The following CFAP54 variants were observed in gnomAD, a reference collection of about 807,000 sequenced individuals.
The protein encoded by CFAP54 is cilia and flagella associated protein 54.
A neutral mutation model predicts 370.4 loss-of-function variants in CFAP54; 290 were observed. The ratio of observed to expected loss-of-function variants is 0.78; its 90% CI spans 0.71 to 0.86. CFAP54 has a LOEUF of 0.86. Ranked by LOEUF, CFAP54 falls within the 40% of genes least tolerant of loss-of-function variation. The probability of loss-of-function intolerance (pLI) is 0.00; values close to 1 mark genes in which losing one functional copy is unlikely to be tolerated. For missense variants in CFAP54, 3,399 were observed against 3,528.7 expected (o/e 0.96, Z 0.93); for synonymous variants, 1,206 against 1,236.5 (o/e 0.98, Z 0.52).
chr12:96,547,786 G>A (rs1033774052), intron 14 of CFAP54, 116 bp from the exon 15 acceptor site: 16 of 401,052 alleles, frequency 4.0e-5, no homozygotes, highest in African/African-American at 6.3e-5. Flanking sequence ...TTCTTCTTTC[G>A]TTTCCTCCTC....
Position 96,592,485 on chromosome 12 carries a change from T to C in CFAP54, c.3213-5T>C. The C allele has an allele frequency of 1.8e-6, 1 of 555,880 alleles. No homozygotes were observed. The allele number at this position is 555,880 out of a possible 1,614,324, so 34.4% of individuals were successfully genotyped here. A position where few individuals can be genotyped will look rare whatever the true frequency, so the allele number is the denominator to read the frequency against. ...TTTATACCTGCCATTTACTTCATAT[T>C]GCAGATTACATTCAGATATTTTGGC... On this transcript the variant is annotated splice_region_variant and splice_polypyrimidine_tract_variant and intron_variant, in intron 23 of 67. Transcript: ENST00000524981.
At chr12:96,569,314 A>G (rs1420617) in intron 19 of CFAP54, among the ~76,000 whole-genome samples, 85,511 of 152,020 alleles carry the variant, frequency 0.56, 24,763 homozygotes, top group East Asian at 0.74. Context: ...AGGAAAACTA[A>G]TGATGCCACC....
intron 40 of CFAP54, chr12:96,682,049 C>A: frequency 1.7e-6 from 1 of 588,510 alleles, no homozygotes; most frequent in Non-Finnish European, 2.1e-6. Context: ...TATTTCCTTT[C>A]TTTTTGCTTT....
chr12:96,527,164 T>C, intron 8 of CFAP54, 82 bp from the exon 9 acceptor site: 1 of 1,242,410 alleles, frequency 8.0e-7, no homozygotes, highest in Non-Finnish European at 1.1e-6. Flanking sequence ...CCCAAAGTGT[T>C]GGGATTATAG....
chr12:96,625,700 T>G lies in CFAP54; in HGVS notation c.3887-18T>G, dbSNP rs1391937669. The G allele has an allele frequency of 4.0e-6, 6 of 1,503,102 alleles. No individual in the cohort carries two copies. Among genetic ancestry groups the G allele is most frequent in the East Asian group, 2.5e-5 (1 of 40,708 alleles). 93.1% of individuals were successfully genotyped at this position (1,503,102 alleles called of 1,614,324 possible). Reference sequence around the variant, plus strand: ...GTTACTAAACAGAACATACAACTTTTGAATTTTTTAACCTTAGATGTTACA... The same window carrying G: ...GTTACTAAACAGAACATACAACTTTGGAATTTTTTAACCTTAGATGTTACA... On this transcript the variant is annotated intron_variant, in intron 28 of 67. Coordinates refer to ENST00000524981, the MANE Select transcript of CFAP54 (RefSeq NM_001306084.2).
At chr12:96,592,850 C>G (rs1363812366) in intron 24 of CFAP54, among the ~76,000 whole-genome samples, 2 of 151,900 alleles carry the variant, frequency 1.3e-5, no homozygotes, top group African/African-American at 4.8e-5. Context: ...TCTCTTTTCC[C>G]CCTGTGTGTA....
At chr12:96,718,232 G>A (rs991110362) in intron 48 of CFAP54, among the ~76,000 whole-genome samples, 6 of 152,018 alleles carry the variant, frequency 3.9e-5, no homozygotes, top group Non-Finnish European at 7.4e-5. Flanking sequence ...GGTGGTGTGC[G>A]CCCGTAGTCC....
rs1438296745 is a variant in CFAP54, at chr12:96,764,185, CA to C, written c.8076del (p.Ser2693GlnfsTer11). On this transcript the variant is annotated frameshift_variant, in exon 59 of 68. Transcript: ENST00000524981. LOFTEE classifies it high-confidence loss of function. ...PLRRSSSVKE[T>X]SANKFEMYSS... is the part of the protein sequence containing the mutation. ...AGAAGAAGTAGTTCTGTTAAAGAAA[CA>C]TCAGCAAATAAATTTGAAATGTACA... The C allele has an allele frequency of 6.2e-7, 1 of 1,612,972 alleles. No homozygotes were observed. The highest frequency in any genetic ancestry group is 8.5e-7 in the Non-Finnish European group (1 of 1,179,494).
chr12:96,734,969 T>C (rs895200516), intron 50 of CFAP54, among the ~76,000 whole-genome samples: 7 of 152,158 alleles, frequency 4.6e-5, no homozygotes, highest in Non-Finnish European at 1.0e-4. Flanking sequence ...AGACTGTTGA[T>C]AAATGGTCAA....
At chr12:96,761,613 T>C (rs1166266647) in intron 58 of CFAP54, among the ~76,000 whole-genome samples, 1 of 152,222 alleles carries the variant, frequency 6.6e-6, no homozygotes, top group Non-Finnish European at 1.5e-5. Flanking sequence ...TGTATAGTTT[T>C]AACTTTTACA....
intron 67 of CFAP54, among the ~76,000 whole-genome samples, chr12:96,871,127 A>G (rs1280767284): frequency 1.3e-5 from 2 of 152,142 alleles, no homozygotes; most frequent in Non-Finnish European, 2.9e-5. Flanking sequence ...ATTCTCCTAA[A>G]ACTGTTGGCT....
intron 65 of CFAP54, among the ~76,000 whole-genome samples, chr12:96,820,105 G>A (rs960854669): frequency 2.6e-5 from 4 of 152,188 alleles, no homozygotes; most frequent in African/African-American, 9.7e-5. Context: ...TCTCGTGAGA[G>A]CAATGGGAGA....
At chr12:96,651,892 C>CTT in intron 36 of CFAP54, 77 bp downstream of exon 36, 5 of 849,652 alleles carry the variant, frequency 5.9e-6, no homozygotes, top group South Asian at 3.9e-5. Flanking sequence ...TAAGTAGAAA[C>CTT]TGTTTTTTTT....
At chr12:96,554,570 A>G in intron 16 of CFAP54, 106 bp from the exon 17 acceptor site, 1 of 1,212,048 alleles carries the variant, frequency 8.3e-7, no homozygotes. Context: ...GCAGAATGTA[A>G]TGGTTACAAA....
chr12:96,819,094 G>A (rs76512766), intron 65 of CFAP54, among the ~76,000 whole-genome samples: 1,805 of 152,266 alleles, frequency 0.012, 42 homozygotes, highest in African/African-American at 0.041. Context: ...CTCTGCAGAG[G>A]CAACCACTTT....
Position 96,807,372 on chromosome 12 carries a change from G to A in CFAP54, c.8851-4364G>A, listed in dbSNP as rs150902783. Reference sequence around the variant, plus strand: ...TTATTGAGTACATACCATATGCCAGGTATTTTCTTAGGTGATTAAGATACA... The same window carrying A: ...TTATTGAGTACATACCATATGCCAGATATTTTCTTAGGTGATTAAGATACA... On this transcript the variant is annotated intron_variant, in intron 63 of 67. Transcript: ENST00000524981. Among the ~76,000 whole-genome samples, 524 of 152,194 alleles carry A rather than the reference G, an allele frequency of 3.4e-3. 4 individuals carry two copies. The highest frequency in any genetic ancestry group is 0.012 in the African/African-American group (496 of 41,534).
intron 5 of CFAP54, 34 bp downstream of exon 5, chr12:96,513,078 T>A: frequency 7.5e-7 from 1 of 1,326,762 alleles, no homozygotes; most frequent in Non-Finnish European, 1.0e-6. Context: ...TTTTCCCCTC[T>A]ATTTCCTGTT....
intron 47 of CFAP54, among the ~76,000 whole-genome samples, chr12:96,708,279 G>A (rs1357959586): frequency 6.6e-6 from 1 of 152,172 alleles, no homozygotes; most frequent in African/African-American, 2.4e-5. Context: ...AGTAGCCGAT[G>A]TGTGTGTCTA....
intron 32 of CFAP54, among the ~76,000 whole-genome samples, chr12:96,638,742 T>C (rs1379882362): frequency 6.6e-6 from 1 of 152,206 alleles, no homozygotes; most frequent in Non-Finnish European, 1.5e-5. Context: ...GAGTTATTTT[T>C]GTATATTGAC....
Sources: allele counts gnomAD v4.1 joint callset (sites outside exome capture counted in the v4.1 genomes callset), GRCh38; gene constraint gnomAD v4.1.1; transcripts MANE v1.5; gene names NCBI Gene and HGNC (gene_info 2026-07-23, HGNC 2026-07-21).